Variants in MEGF11 observed in about 807,000 individuals in gnomAD.
MEGF11 encodes the protein multiple epidermal growth factor-like domains protein 11.
A neutral mutation model predicts 146.6 loss-of-function variants in MEGF11; 126 were observed. The ratio of observed to expected loss-of-function variants is 0.86; its 90% CI spans 0.74 to 1.00. The LOEUF (loss-of-function observed/expected upper bound fraction) is 1.00, where lower values mean the gene tolerates loss of function less well. Among genes scored for constraint, MEGF11 ranks in the 50% least tolerant of loss-of-function variants. The pLI, the probability that MEGF11 is intolerant of heterozygous loss-of-function variation, is 0.00. For missense variants in MEGF11, 1,509 were observed against 1,521.2 expected (o/e 0.99, Z 0.13); for synonymous variants, 532 against 583.4 (o/e 0.91, Z 1.27).
At chr15:65,984,778 ATTTATTTT>A (rs2081794649) in intron 5 of MEGF11, among the ~76,000 whole-genome samples, 2 of 151,826 alleles carry the variant, frequency 1.3e-5, no homozygotes, top group Admixed American at 1.3e-4. Context: ...TTATTTATTT[ATTTATTTT>A]GAGACAGAGT....
intron 8 of MEGF11, 90 bp downstream of exon 8, chr15:65,970,463 G>A: frequency 7.1e-7 from 1 of 1,400,808 alleles, no homozygotes; most frequent in Non-Finnish European, 9.7e-7. Context: ...TGGAAGGCTG[G>A]CAGAGAGAGG....
chr15:65,954,136 G>A (rs1459480070), intron 10 of MEGF11, among the ~76,000 whole-genome samples: 1 of 152,262 alleles, frequency 6.6e-6, no homozygotes, highest in East Asian at 1.9e-4. Flanking sequence ...CAAGATTACT[G>A]AGCCTAGAAT....
At chr15:65,927,014 C>T (rs1179337968) in intron 13 of MEGF11, among the ~76,000 whole-genome samples, 2 of 152,194 alleles carry the variant, frequency 1.3e-5, no homozygotes, top group African/African-American at 4.8e-5. Flanking sequence ...TGAACACAGG[C>T]TGTGCAGCAA....
intron 10 of MEGF11, among the ~76,000 whole-genome samples, chr15:65,942,531 A>G (rs2080032684): frequency 6.6e-6 from 1 of 152,090 alleles, no homozygotes; most frequent in African/African-American, 2.4e-5. Context: ...GATGATGATG[A>G]TGATGATGAC....
intron 3 of MEGF11, 122 bp downstream of exon 3, chr15:66,123,777 G>T (rs1258367652): frequency 5.4e-6 from 4 of 741,756 alleles, no homozygotes; most frequent in Non-Finnish European, 9.4e-6. Flanking sequence ...GAGCATCTTG[G>T]GTGTTCAGAG....
chr15:66,046,602 G>A (rs995725369), intron 5 of MEGF11, among the ~76,000 whole-genome samples: 3 of 152,194 alleles, frequency 2.0e-5, no homozygotes, highest in Admixed American at 6.5e-5. Flanking sequence ...CGCAGGCTTA[G>A]GCTGAGTGCC....
chr15:66,112,690 C>T (rs2087496941), intron 4 of MEGF11, among the ~76,000 whole-genome samples: 2 of 145,320 alleles, frequency 1.4e-5, no homozygotes, highest in African/African-American at 5.4e-5. Context: ...AACTCCACAC[C>T]CAGACACATC....
chr15:65,973,065 C>T (rs2081344404), intron 7 of MEGF11, among the ~76,000 whole-genome samples: 1 of 149,368 alleles, frequency 6.7e-6, no homozygotes, highest in Non-Finnish European at 1.5e-5. Flanking sequence ...TGCAGTGAGC[C>T]AAGATCACAC....
chr15:65,957,425 G>A (rs8041692), intron 10 of MEGF11, 122 bp downstream of exon 10: 189,886 of 930,968 alleles, frequency 0.2, 21,530 homozygotes, highest in Non-Finnish European at 0.24. Context: ...CATGAAGTCT[G>A]TCTCTGAGGC....
At chr15:66,040,351 G>A (rs955402293) in intron 5 of MEGF11, 4 of 154,776 alleles carry the variant, frequency 2.6e-5, no homozygotes, top group African/African-American at 9.6e-5. Context: ...TGGTGGTGGT[G>A]GCTGCAGAAA....
intron 10 of MEGF11, among the ~76,000 whole-genome samples, chr15:65,955,604 C>T (rs1043266556): frequency 4.1e-5 from 6 of 147,910 alleles, no homozygotes; most frequent in African/African-American, 1.2e-4. Flanking sequence ...ATTAGCTAGG[C>T]GTGGTGGCAC....
intron 2 of MEGF11, among the ~76,000 whole-genome samples, chr15:66,124,510 G>A (rs1051972096): frequency 3.9e-5 from 6 of 152,162 alleles, no homozygotes; most frequent in Admixed American, 1.3e-4. Flanking sequence ...AACATTTATC[G>A]AGCACCCTGT....
At chr15:65,960,583 T>G (rs2080825110) in intron 9 of MEGF11, among the ~76,000 whole-genome samples, 1 of 152,256 alleles carries the variant, frequency 6.6e-6, no homozygotes, top group South Asian at 2.1e-4. Context: ...TTGTGGAGAC[T>G]GACATGCTTG....
chr15:66,033,077 T>TTAAAAAAA (rs2083589489), intron 5 of MEGF11, among the ~76,000 whole-genome samples: 1 of 17,844 alleles, frequency 5.6e-5, no homozygotes, highest in Non-Finnish European at 9.3e-5. Context: ...TGAGACTCCA[T>TTAAAAAAA]CAAAAAAAAA....
chr15:66,151,149 G>T (rs1335552410), intron 1 of MEGF11, among the ~76,000 whole-genome samples: 1 of 152,104 alleles, frequency 6.6e-6, no homozygotes, highest in Non-Finnish European at 1.5e-5. Flanking sequence ...GACCAGCTGA[G>T]ACACCCCCTA....
chr15:66,200,275 A>G (rs1256606956), intron 1 of MEGF11, among the ~76,000 whole-genome samples: 4 of 152,234 alleles, frequency 2.6e-5, no homozygotes, highest in African/African-American at 9.6e-5. Flanking sequence ...GGGTTTTTGT[A>G]GTTTTTTGTA....
Position 66,094,449 on chromosome 15 carries a change from T to C in MEGF11, c.347A>G (p.Asp116Gly), listed in dbSNP as rs761322954. The part of the protein sequence containing the change: ...ECVHGRCVSP[D>G]TCHCEPGWGG... ...CCAGCCAGGCTCGCAGTGGCAGGTG[T>C]CCGGGGAAACGCAGCGGCCGTGCAC... The change falls in exon 5 of 26, where the codon GAC becomes GGC. Residue 116 changes from aspartate (D) to glycine (G), a missense_variant. Asp to Gly is a moderately conservative substitution (Grantham distance 94). Coordinates refer to ENST00000395614, the MANE Select transcript of MEGF11 (RefSeq NM_001385028.1). 4 of 1,560,614 alleles carry C rather than the reference T, an allele frequency of 2.6e-6. No homozygotes were observed. The East Asian group carries it at 9.6e-5, about 37-fold the overall frequency.
intron 1 of MEGF11, among the ~76,000 whole-genome samples, chr15:66,139,782 G>A (rs139423001): frequency 3.2e-4 from 49 of 152,316 alleles, no homozygotes; most frequent in African/African-American, 1.1e-3. Flanking sequence ...ACATGTCAGC[G>A]TAGTTTCTTC....
At chr15:65,938,911 T>G (rs751822793) in intron 10 of MEGF11, among the ~76,000 whole-genome samples, 1 of 152,234 alleles carries the variant, frequency 6.6e-6, no homozygotes, top group Non-Finnish European at 1.5e-5. Flanking sequence ...AATATGCTGC[T>G]TTGTAGTTTG....
Sources: allele counts gnomAD v4.1 joint callset (sites outside exome capture counted in the v4.1 genomes callset), GRCh38; gene constraint gnomAD v4.1.1; transcripts MANE v1.5; gene names NCBI Gene and HGNC (gene_info 2026-07-23, HGNC 2026-07-21).